Variants in WRAP73 observed in about 807,000 individuals in gnomAD.
WRAP73 encodes WD repeat-containing protein WRAP73.
WRAP73 carries 55 observed loss-of-function variants against 59.6 expected under a neutral mutation model. The ratio of observed to expected loss-of-function variants is 0.92; its 90% CI spans 0.74 to 1.15. The LOEUF (loss-of-function observed/expected upper bound fraction) is 1.15, where lower values mean the gene tolerates loss of function less well. Among genes scored for constraint, WRAP73 ranks in the 50% most tolerant of loss-of-function variants. WRAP73 has a pLI of 0.00. For missense variants in WRAP73, 592 were observed against 608.1 expected (o/e 0.97, Z 0.28); for synonymous variants, 265 against 258.2 (o/e 1.03, Z -0.25).
chr1:3,648,773 T>A (rs537712618), intron 1 of WRAP73, among the ~76,000 whole-genome samples: 1 of 152,344 alleles, frequency 6.6e-6, no homozygotes, highest in Non-Finnish European at 1.5e-5. Flanking sequence ...GAAATTTTCA[T>A]AAATGGTAAA....
rs1420214179 is a variant in WRAP73, at chr1:3,633,092, G to A, written c.922+306C>T. ...CAGACCCACTCTGAGCGCCACCCAC[G>A]GAAAAGTGTTTCTTTGAAAAACATC... On this transcript the variant is annotated intron_variant, in intron 9 of 11. Transcript: ENST00000270708. 5 of 348,350 alleles carry A rather than the reference G, an allele frequency of 1.4e-5. 1 individual carries two copies. Among genetic ancestry groups the A allele is most frequent in the Admixed American group, 1.4e-4 (3 of 21,394 alleles). 21.6% of individuals were successfully genotyped at this position (348,350 alleles called of 1,614,324 possible).
intron 5 of WRAP73, 198 bp from the exon 6 acceptor site, chr1:3,636,228 G>A (rs941044539): frequency 3.4e-6 from 2 of 585,410 alleles, no homozygotes; most frequent in Non-Finnish European, 6.1e-6. Context: ...GCCAGCGTCA[G>A]TGCCTGGCCA....
chr1:3,636,487 C>T (rs936186983), intron 5 of WRAP73: 1 of 324,426 alleles, frequency 3.1e-6, no homozygotes, highest in African/African-American at 2.2e-5. Flanking sequence ...TCCTTTAGAC[C>T]CAGCTCAGAC....
rs1293687640 is a variant in WRAP73 at position 3,640,618 on chromosome 1, AGGGCGGGGTGG to A, written c.340-1807_340-1797del. ...AACGCCCCAGGCTCTGAGCGTCAGC[AGGGCGGGGTGG>A]AGCGCCCGAGGCTCTGAGCATCAGC... On this transcript the variant is annotated intron_variant, in intron 3 of 11. Transcript: ENST00000270708. Among the ~76,000 whole-genome samples the A allele has an allele frequency of 5.3e-3, 751 of 143,040 alleles. 8 individuals carry two copies. The highest frequency in any genetic ancestry group is 0.017 in the African/African-American group (677 of 39,220). 93.8% of individuals were successfully genotyped at this position (143,040 alleles called of 152,430 possible).
chr1:3,637,161 G>A (rs1386709869), intron 4 of WRAP73, 63 bp from the exon 5 acceptor site: 14 of 1,379,658 alleles, frequency 1.0e-5, no homozygotes, highest in African/African-American at 1.4e-5. Context: ...AGAAACCACA[G>A]TAGTAATTCA....
chr1:3,635,287 A>C lies in WRAP73; in HGVS notation c.611T>G (p.Ile204Ser). 1 of 1,613,854 alleles carries C rather than the reference A, an allele frequency of 6.2e-7. No individual in the cohort carries two copies. Among genetic ancestry groups the C allele is most frequent in the Non-Finnish European group, 8.5e-7 (1 of 1,180,020 alleles). Reference protein sequence around the residue: ...AVWDTCLEYKILLYSLDGRLL... With the variant: ...AVWDTCLEYKSLLYSLDGRLL... ...CCGGCCATCCAATGAGTACAGCAGAATCTTGTACTGCAGATGAGACATTTC... is the reference window on the plus strand; with the variant it reads ...CCGGCCATCCAATGAGTACAGCAGACTCTTGTACTGCAGATGAGACATTTC... Residue 204 changes from isoleucine (I) to serine (S), a missense_variant, in exon 7 of 12, where the codon ATT (isoleucine) becomes AGT (serine). Physicochemically the swap from Ile to Ser is moderately radical, Grantham distance 142. Transcript: ENST00000270708.
At chr1:3,632,421 G>C in intron 9 of WRAP73, 83 bp from the exon 10 acceptor site, 1 of 1,603,278 alleles carries the variant, frequency 6.2e-7, no homozygotes, top group South Asian at 1.1e-5. Flanking sequence ...TGCCTGCATC[G>C]GGCATCGCGA....
chr1:3,634,909 C>A (rs979283209), intron 8 of WRAP73, 88 bp downstream of exon 8: 2 of 1,478,240 alleles, frequency 1.4e-6, no homozygotes, highest in African/African-American at 1.4e-5. Flanking sequence ...AAATAATAAA[C>A]CACAATCAAG....
chr1:3,646,549 T>C lies in WRAP73; in HGVS notation c.339+117A>G, dbSNP rs1644692323. On this transcript the variant is annotated intron_variant, in intron 3 of 11. Transcript: ENST00000270708. This position sits in a 1 kb window ranked among gnomAD's most constrained non-coding sequence, Gnocchi z 5.1. ...CCTGGTGGTCTTAGAATGCATCCCC[T>C]GAGGATAAGGGGAGACTAGCATACT... The C allele has an allele frequency of 1.3e-5, 10 of 761,820 alleles. No individual in the cohort carries two copies. Among genetic ancestry groups the C allele is most frequent in the Non-Finnish European group, 1.9e-5 (9 of 470,294 alleles). 47.2% of individuals were successfully genotyped at this position (761,820 alleles called of 1,614,324 possible). A position where few individuals can be genotyped will look rare whatever the true frequency, so the allele number is the denominator to read the frequency against.
rs375833670 is a variant in WRAP73 at position 3,630,960 on chromosome 1, G to A, written c.*15C>T. ...ACAGAGTAGCCCTGTTTCTGCACAC[G>A]TTAGTGCACCGCTGCTACGTGTGGC... On this transcript the variant is annotated 3_prime_UTR_variant, in exon 12 of 12. Coordinates refer to ENST00000270708, the MANE Select transcript of WRAP73 (RefSeq NM_017818.4). 2.4e-5 allele frequency: 38 copies of A among 1,611,070 alleles called. No individual in the cohort carries two copies. Among genetic ancestry groups the A allele is most frequent in the Admixed American group, 3.3e-5 (2 of 59,896 alleles).
chr1:3,632,081 G>A, intron 10 of WRAP73, 132 bp downstream of exon 10: 1 of 1,498,906 alleles, frequency 6.7e-7, no homozygotes, highest in Non-Finnish European at 8.8e-7. Context: ...GAGCACCTCG[G>A]CTACTGCAGA....
Position 3,646,829 on chromosome 1 carries a change from C to A in WRAP73, c.223-47G>T, listed in dbSNP as rs1000979190. 9.8e-6 allele frequency: 15 copies of A among 1,537,490 alleles called. No individual in the cohort carries two copies. The highest frequency in any genetic ancestry group is 1.2e-5 in the Non-Finnish European group (13 of 1,119,872). On this transcript the variant is annotated intron_variant, in intron 2 of 11. Transcript: ENST00000270708. The surrounding 1 kb of genome is among the most constrained non-coding windows in gnomAD (Gnocchi z 5.1). ...ACACACAAGTGCAAACTCATCAGCA[C>A]CGAGAGACAGCGAGGACAGCTCGCT... is the stretch of plus-strand genomic sequence containing the variant.
At chr1:3,648,359 G>C (rs1020977202) in intron 1 of WRAP73, among the ~76,000 whole-genome samples, 11 of 152,160 alleles carry the variant, frequency 7.2e-5, no homozygotes, top group South Asian at 2.1e-4. Flanking sequence ...TACTTATCAA[G>C]GTCAAAGTAG....
intron 11 of WRAP73, 81 bp from the exon 12 acceptor site, chr1:3,631,198 C>A: frequency 1.3e-6 from 2 of 1,588,408 alleles, no homozygotes; most frequent in Non-Finnish European, 1.7e-6. Context: ...GTCCTGCAGG[C>A]CAGCACAGTG....
intron 3 of WRAP73, among the ~76,000 whole-genome samples, chr1:3,643,138 A>T (rs1004714420): frequency 5.3e-5 from 8 of 152,244 alleles, no homozygotes; most frequent in African/African-American, 1.9e-4. Context: ...CCTCACGAGG[A>T]AGGGAAGGCC....
Position 3,631,095 on chromosome 1 carries a change from C to G in WRAP73, c.1263G>C (p.Leu421=), listed in dbSNP as rs142708460. 2.5e-5 allele frequency: 41 copies of G among 1,613,242 alleles called. No homozygotes were observed. The highest frequency in any genetic ancestry group is 3.3e-5 in the Non-Finnish European group (39 of 1,180,022). The part of the protein sequence containing the change: ...PGEGDFAVLS[L]CWHLSGDSMA... ...TCGAGTCTCCGCTTAAATGCCAGCA[C>G]AGAGAGAGCACTGCAAAGTCGCCTA... is the stretch of plus-strand genomic sequence containing the variant. Residue 421 remains leucine (L), a synonymous_variant, in exon 12 of 12, where the codon CTG becomes CTC. Coordinates refer to ENST00000270708, the MANE Select transcript of WRAP73 (RefSeq NM_017818.4).
Position 3,630,998 on chromosome 1 carries a change from T to G in WRAP73, c.1360A>C (p.Arg454=), listed in dbSNP as rs747976441. 2 of 1,612,878 alleles carry G rather than the reference T, an allele frequency of 1.2e-6. No homozygotes were observed. Among genetic ancestry groups the G allele is most frequent in the Non-Finnish European group, 1.7e-6 (2 of 1,179,852 alleles). ...TGCTACGTGTGGCCGCCCAGCTGTC[T>G]GCAGGCTGTGCCGACCACTGCCTCT... ...ETEAVVGTAC[R]QLGGHT Residue 454 remains arginine, a synonymous_variant, in exon 12 of 12, where the codon AGA becomes CGA. Coordinates refer to ENST00000270708, the MANE Select transcript of WRAP73 (RefSeq NM_017818.4).
chr1:3,631,189 T>G, intron 11 of WRAP73, 72 bp from the exon 12 acceptor site: 1 of 1,598,178 alleles, frequency 6.3e-7, no homozygotes. Flanking sequence ...CACCCCCTTG[T>G]CCTGCAGGCC....
chr1:3,634,547 GGA>G, intron 8 of WRAP73: 1 of 194,348 alleles, frequency 5.1e-6, no homozygotes, highest in Middle Eastern at 2.2e-3. Context: ...GCCACCCCGT[GGA>G]GACACCCAGC....
Sources: allele counts gnomAD v4.1 joint callset (sites outside exome capture counted in the v4.1 genomes callset), GRCh38; gene constraint gnomAD v4.1.1; non-coding constraint Gnocchi (gnomAD v3.1); transcripts MANE v1.5; gene names NCBI Gene and HGNC (gene_info 2026-07-23, HGNC 2026-07-21).